Variants in STPG2 observed in about 807,000 individuals in gnomAD.
The protein encoded by STPG2 is sperm-tail PG-rich repeat-containing protein 2.
Under a neutral mutation model 54.2 loss-of-function variants are expected in STPG2, and 56 were observed. The observed-to-expected ratio is 1.03, with a 90% CI of 0.83 to 1.29. The LOEUF (loss-of-function observed/expected upper bound fraction) is 1.29, where lower values mean the gene tolerates loss of function less well. Among genes scored for constraint, STPG2 ranks in the 50% most tolerant of loss-of-function variants. STPG2 has a pLI of 0.00. For missense variants in STPG2, 596 were observed against 544.9 expected (o/e 1.09, Z -0.93); for synonymous variants, 200 against 181.8 (o/e 1.10, Z -0.81).
At chr4:97,456,891 CA>C (rs57563048) in intron 4 of STPG2, among the ~76,000 whole-genome samples, 84 of 48,862 alleles carry the variant, frequency 1.7e-3, no homozygotes, top group South Asian at 5.4e-3. Flanking sequence ...TGCTCCGTCT[CA>C]AAAAAAAAAA....
chr4:97,614,864 G>A (rs992468206), intron 10 of STPG2, among the ~76,000 whole-genome samples: 16 of 152,140 alleles, frequency 1.1e-4, no homozygotes, highest in African/African-American at 3.9e-4. Context: ...ACTTGTGTAA[G>A]CTAAACGAAT....
chr4:98,123,784 G>T (rs4443295), intron 3 of STPG2, among the ~76,000 whole-genome samples: 1 of 151,922 alleles, frequency 6.6e-6, no homozygotes, highest in Non-Finnish European at 1.5e-5. Context: ...CTAGTGAGAT[G>T]TCAAAGTCTC....
At chr4:97,670,098 T>C (rs1722653908) in intron 10 of STPG2, among the ~76,000 whole-genome samples, 1 of 152,040 alleles carries the variant, frequency 6.6e-6, no homozygotes, top group Non-Finnish European at 1.5e-5. Context: ...CCAAGAAAAA[T>C]AAACTTCATT....
In STPG2 at chr4:97,688,414, T is replaced by C. The variant is rs919126790; in HGVS notation, c.1320+24285A>G. Among the ~76,000 whole-genome samples, 51 of 152,176 alleles carry C rather than the reference T, an allele frequency of 3.4e-4. 1 individual carries two copies. The highest frequency in any genetic ancestry group is 1.5e-5 in the Non-Finnish European group (1 of 68,020). Reference sequence around the variant, plus strand: ...CAGAGTCTGGCTCTGTCACCCAGGCTGGAGTACAGTAGCGCAATCTCGGCT... The same window carrying C: ...CAGAGTCTGGCTCTGTCACCCAGGCCGGAGTACAGTAGCGCAATCTCGGCT... On this transcript the variant is annotated intron_variant, in intron 10 of 10. Coordinates refer to ENST00000295268, the MANE Select transcript of STPG2 (RefSeq NM_174952.3).
intron 4 of STPG2, among the ~76,000 whole-genome samples, chr4:97,551,347 GA>G (rs1486469339): frequency 6.6e-6 from 1 of 151,712 alleles, no homozygotes; most frequent in East Asian, 1.9e-4. Flanking sequence ...AAGCCTCCAA[GA>G]AAAAAAGAAA....
At chr4:98,129,546 C>A (rs977711175) in intron 2 of STPG2, among the ~76,000 whole-genome samples, 1 of 151,812 alleles carries the variant, frequency 6.6e-6, no homozygotes, top group Non-Finnish European at 1.5e-5. Flanking sequence ...AGAAGCTATA[C>A]AAAAATTAAC....
intron 4 of STPG2, among the ~76,000 whole-genome samples, chr4:97,460,059 T>C (rs925416398): frequency 2.6e-5 from 4 of 152,150 alleles, no homozygotes; most frequent in African/African-American, 9.7e-5. Flanking sequence ...TAATTAGTAA[T>C]TGAATTATAG....
chr4:98,020,501 C>T lies in STPG2; in HGVS notation c.613-39183G>A, dbSNP rs748922899. 2.0e-3 allele frequency among the ~76,000 whole-genome samples: 305 copies of T among 151,718 alleles called. 3 individuals are homozygous for T. The Middle Eastern group carries it at 0.027, about 14-fold the overall frequency. ...TCTCTTTTTTGGTTGTATCTCTGCC[C>T]GGCTTTGGTATCAGGATGATACTGG... On this transcript the variant is annotated intron_variant, in intron 5 of 10. Transcript: ENST00000295268.
chr4:97,966,759 C>T (rs966665607), intron 7 of STPG2, among the ~76,000 whole-genome samples: 1 of 152,122 alleles, frequency 6.6e-6, no homozygotes, highest in Non-Finnish European at 1.5e-5. Flanking sequence ...AATTTCATAT[C>T]CAGCCAAACT....
intron 10 of STPG2, among the ~76,000 whole-genome samples, chr4:97,622,617 T>A (rs1202930083): frequency 1.3e-5 from 2 of 151,828 alleles, no homozygotes; most frequent in Non-Finnish European, 2.9e-5. Context: ...AAATCAGAAA[T>A]GGCACAAATA....
chr4:98,066,370 C>T (rs1308205221), intron 5 of STPG2, among the ~76,000 whole-genome samples: 1 of 132,178 alleles, frequency 7.6e-6, no homozygotes. Flanking sequence ...GGGTGGATCA[C>T]CCAAGGTCAG....
intron 9 of STPG2, among the ~76,000 whole-genome samples, chr4:97,758,742 T>A (rs1163026554): frequency 6.6e-6 from 1 of 152,128 alleles, no homozygotes. Flanking sequence ...TAAACCTATG[T>A]AAGAAACCAG....
chr4:97,964,336 G>A (rs1406937463), intron 7 of STPG2, among the ~76,000 whole-genome samples: 3 of 152,224 alleles, frequency 2.0e-5, no homozygotes, highest in African/African-American at 7.2e-5. Flanking sequence ...CACACCCTTT[G>A]CTGAGGAGGG....
chr4:97,986,126 T>G (rs1734825313), intron 5 of STPG2, among the ~76,000 whole-genome samples: 3 of 152,228 alleles, frequency 2.0e-5, no homozygotes, highest in Non-Finnish European at 4.4e-5. Context: ...ATGTTAATTT[T>G]ATCTCCAAAT....
chr4:97,541,335 CAGAG>C (rs1170135842), intron 4 of STPG2, among the ~76,000 whole-genome samples: 1 of 152,050 alleles, frequency 6.6e-6, no homozygotes, highest in Non-Finnish European at 1.5e-5. Context: ...AATAGACAAA[CAGAG>C]AGCCAAATCA....
chr4:97,995,838 A>T (rs2149272339), intron 5 of STPG2, among the ~76,000 whole-genome samples: 1 of 152,210 alleles, frequency 6.6e-6, no homozygotes, highest in African/African-American at 2.4e-5. Context: ...TGTAAACCCC[A>T]CATGTTGAAG....
At chr4:97,948,607 C>T (rs944212149) in intron 7 of STPG2, among the ~76,000 whole-genome samples, 19 of 151,904 alleles carry the variant, frequency 1.3e-4, no homozygotes, top group African/African-American at 4.6e-4. Flanking sequence ...GTTTTGATGA[C>T]TCATGTCACT....
intron 5 of STPG2, among the ~76,000 whole-genome samples, chr4:98,031,993 T>C (rs1352323190): frequency 6.6e-6 from 1 of 152,088 alleles, no homozygotes; most frequent in Non-Finnish European, 1.5e-5. Flanking sequence ...ATCAGAGAAA[T>C]GCAAATCAAA....
intron 8 of STPG2, among the ~76,000 whole-genome samples, chr4:97,857,777 T>C (rs1729381271): frequency 6.6e-6 from 1 of 151,938 alleles, no homozygotes; most frequent in Non-Finnish European, 1.5e-5. Context: ...TTGAGGAAAC[T>C]CAAAGAAATT....
Sources: allele counts gnomAD v4.1 joint callset (sites outside exome capture counted in the v4.1 genomes callset), GRCh38; gene constraint gnomAD v4.1.1; transcripts MANE v1.5; gene names NCBI Gene and HGNC (gene_info 2026-07-23, HGNC 2026-07-21).